HSD3B1: variants seen among roughly 807,000 people sequenced by gnomAD.
The protein encoded by HSD3B1 is 3 beta-hydroxysteroid dehydrogenase/Delta 5-->4-isomerase type 1.
Under a neutral mutation model 10.4 loss-of-function variants are expected in HSD3B1, and 11 were observed. The ratio of observed to expected loss-of-function variants is 1.05; its 90% CI spans 0.66 to 1.75. The LOEUF (loss-of-function observed/expected upper bound fraction) is 1.75. Among genes scored for constraint, HSD3B1 ranks in the 40% most tolerant of loss-of-function variants. HSD3B1 has a pLI of 0.00. For missense variants in HSD3B1, 490 were observed against 454.5 expected, an observed-to-expected ratio of 1.08 and a Z score of -0.71; for synonymous variants, 217 against 185.4, an observed-to-expected ratio of 1.17 and a Z score of -1.39.
intron 3 of HSD3B1, among the ~76,000 whole-genome samples, chr1:119,512,994 GC>G (rs1293057353): frequency 6.6e-6 from 1 of 152,200 alleles, no homozygotes; most frequent in Non-Finnish European, 1.5e-5. Flanking sequence ...ACCTCCATGA[GC>G]TTTGCTTCTA....
At chr1:119,509,802 C>T (rs1400930348) in intron 2 of HSD3B1, among the ~76,000 whole-genome samples, 3 of 152,222 alleles carry the variant, frequency 2.0e-5, no homozygotes, top group African/African-American at 4.8e-5. Context: ...ATTTTGCTCT[C>T]ACTGGTCTTT....
At position 119,507,389 on chromosome 1, in the gene HSD3B1, T is replaced by A; in HGVS notation, c.-85-3T>A. On this transcript the variant is annotated splice_region_variant and splice_polypyrimidine_tract_variant and intron_variant, in intron 1 of 3. Coordinates refer to ENST00000369413, the MANE Select transcript of HSD3B1 (RefSeq NM_000862.3). ...TATATAACCATTTGACATCTCTTTT[T>A]AGCCCTCTCCAGGGTCACCCTAGAA... 2 of 1,367,954 alleles carry A rather than the reference T, an allele frequency of 1.5e-6. No individual in the cohort carries two copies. Among genetic ancestry groups the A allele is most frequent in the South Asian group, 2.4e-5 (2 of 84,520 alleles). The allele number at this position is 1,367,954 out of a possible 1,614,324, so 84.7% of individuals were successfully genotyped here. A position where few individuals can be genotyped will look rare whatever the true frequency, so the allele number is the denominator to read the frequency against.
At chr1:119,511,691 G>C (rs201869789) in intron 3 of HSD3B1, 24 bp downstream of exon 3, 5 of 1,608,980 alleles carry the variant, frequency 3.1e-6, no homozygotes, top group Non-Finnish European at 4.3e-6. Context: ...GGGAGGAGAT[G>C]CAGCAAGGTG....
rs1448208583 is a variant in HSD3B1, at chr1:119,514,355, C to T, written c.832C>T (p.Leu278Phe). ...LNYTLSKEFGLRLDSRWSFPL... is the reference protein window; with the variant it reads ...LNYTLSKEFGFRLDSRWSFPL... ...TTACACCCTGAGCAAAGAGTTCGGC[C>T]TCCGCCTTGATTCCAGATGGAGCTT... The change falls in exon 4 of 4, where the codon CTC becomes TTC. Residue 278 changes from leucine to phenylalanine, a missense_variant. Leu to Phe is a conservative substitution (Grantham distance 22, BLOSUM62 0). Transcript: ENST00000369413. 1 of 1,614,134 alleles carries T rather than the reference C, an allele frequency of 6.2e-7. No homozygotes were observed. The highest frequency in any genetic ancestry group is 8.5e-7 in the Non-Finnish European group (1 of 1,180,014).
At chr1:119,513,642 T>A (rs1211730808) in intron 3 of HSD3B1, among the ~76,000 whole-genome samples, 192 bp from the exon 4 acceptor site, 1 of 152,108 alleles carries the variant, frequency 6.6e-6, no homozygotes, top group African/African-American at 2.4e-5. Flanking sequence ...ACATGTCAGT[T>A]TCTCTTCATT....
chr1:119,508,222 CAGAG>C (rs140526022), intron 2 of HSD3B1, among the ~76,000 whole-genome samples: 4,538 of 150,404 alleles, frequency 0.03, 254 homozygotes, highest in African/African-American at 0.11. Flanking sequence ...ATGAGAAAGA[CAGAG>C]AAATAATGAA....
At chr1:119,511,469 AAT>A in intron 2 of HSD3B1, 32 bp from the exon 3 acceptor site, 6 of 1,611,472 alleles carry the variant, frequency 3.7e-6, no homozygotes, top group Non-Finnish European at 5.1e-6. Flanking sequence ...CAGATACAGA[AAT>A]CATTCCAATG....
Position 119,514,321 on chromosome 1 carries a change from T to C in HSD3B1, c.798T>C (p.Asp266=), listed in dbSNP as rs754839038. Residue 266 remains aspartate (D), a synonymous_variant, in exon 4 of 4, where the codon GAT becomes GAC. Coordinates refer to ENST00000369413, the MANE Select transcript of HSD3B1 (RefSeq NM_000862.3). ...ATGACACGCCTCACCAAAGCTATGA[T>C]AACCTTAATTACACCCTGAGCAAAG... ...ISDDTPHQSY[D]NLNYTLSKEF... 3.1e-6 allele frequency: 5 copies of C among 1,614,092 alleles called. No homozygotes were observed. In the South Asian group the frequency reaches 4.4e-5, roughly 14 times the overall value.
chr1:119,507,810 T>A, intron 2 of HSD3B1, 189 bp downstream of exon 2: 1 of 567,884 alleles, frequency 1.8e-6, no homozygotes, highest in Admixed American at 3.1e-5. Flanking sequence ...CTGGGTGGGA[T>A]TTCCAGAGAC....
chr1:119,507,325 A>G, intron 1 of HSD3B1, 63 bp downstream of exon 1: 1 of 731,606 alleles, frequency 1.4e-6, no homozygotes, highest in Non-Finnish European at 2.3e-6. Context: ...AATGTTTGCA[A>G]AAAAAATGGG....
intron 2 of HSD3B1, among the ~76,000 whole-genome samples, chr1:119,509,140 G>A (rs182618978): frequency 9.7e-4 from 147 of 152,134 alleles, no homozygotes; most frequent in Non-Finnish European, 1.8e-3. Context: ...CTATGAGATC[G>A]GTAATATTAT....
chr1:119,514,609 C>T lies in HSD3B1; in HGVS notation c.1086C>T (p.Asp362=). The T allele has an allele frequency of 1.2e-6, 2 of 1,613,752 alleles. No homozygotes were observed. The highest frequency in any genetic ancestry group is 1.1e-5 in the South Asian group (1 of 91,060). Residue 362 remains aspartate, a synonymous_variant, in exon 4 of 4, where the codon GAC becomes GAT. Transcript: ENST00000369413. ...TGGAGTGGGTTGGTTCCCTTGTGGA[C>T]CGGCACAAGGAGACCCTGAAGTCCA... ...KTVEWVGSLV[D]RHKETLKSKT... is the part of the protein sequence containing the mutation.
rs868210369 is a variant in HSD3B1, at chr1:119,514,737, C to A, written c.*92C>A. 2 of 1,396,464 alleles carry A rather than the reference C, an allele frequency of 1.4e-6. No homozygotes were observed. Among genetic ancestry groups the A allele is most frequent in the African/African-American group, 1.4e-5 (1 of 70,226 alleles). 86.5% of individuals were successfully genotyped at this position (1,396,464 alleles called of 1,614,324 possible). A position where few individuals can be genotyped will look rare whatever the true frequency, so the allele number is the denominator to read the frequency against. Reference sequence around the variant, plus strand: ...CCTCATACAGAAAGTGACAAGGGCACAAGCTCAGGTCCTGCTGCCTCCCTT... The same window carrying A: ...CCTCATACAGAAAGTGACAAGGGCAAAAGCTCAGGTCCTGCTGCCTCCCTT... On this transcript the variant is annotated 3_prime_UTR_variant, in exon 4 of 4. Transcript: ENST00000369413.
At position 119,514,025 on chromosome 1, in the gene HSD3B1, G is replaced by A. The variant is rs143657140; in HGVS notation, c.502G>A (p.Ala168Thr). The A allele has an allele frequency of 1.4e-4, 234 of 1,614,014 alleles. No homozygotes were observed. The highest frequency in any genetic ancestry group is 3.3e-4 in the Middle Eastern group (2 of 6,082). Residue 168 changes from alanine (A) to threonine (T), a missense_variant, in exon 4 of 4, where the codon GCG (alanine) becomes ACG (threonine). Physicochemically the swap from Ala to Thr is moderately conservative, Grantham distance 58. Transcript: ENST00000369413. ...SKKLAEKAVLAANGWNLKNGG... is the reference protein window; with the variant it reads ...SKKLAEKAVLTANGWNLKNGG... The stretch of plus-strand genomic sequence containing the variant: ...AAAGCTTGCTGAGAAGGCTGTACTG[G>A]CGGCTAACGGGTGGAATCTGAAAAA...
rs751833326 is a variant in HSD3B1, at chr1:119,511,679, T to G, written c.310+12T>G. The G allele has an allele frequency of 6.2e-7, 1 of 1,612,776 alleles. No individual in the cohort carries two copies. Among genetic ancestry groups the G allele is most frequent in the Admixed American group, 1.7e-5 (1 of 59,988 alleles). On this transcript the variant is annotated intron_variant, in intron 3 of 3. Transcript: ENST00000369413. ...TGTCAATGTGAAAGGTATGGTAGGC[T>G]GGGGAGGAGATGCAGCAAGGTGGGG...
At chr1:119,511,972 T>C in intron 3 of HSD3B1, 1 of 331,358 alleles carries the variant, frequency 3.0e-6, no homozygotes, top group South Asian at 3.7e-5. Flanking sequence ...CTCCAAAAGC[T>C]CTTTCTACTG....
Position 119,513,873 on chromosome 1 carries a change from T to G in HSD3B1, c.350T>G (p.Val117Gly). 1 of 1,613,816 alleles carries G rather than the reference T, an allele frequency of 6.2e-7. No individual in the cohort carries two copies. The highest frequency in any genetic ancestry group is 8.5e-7 in the Non-Finnish European group (1 of 1,179,868). ...LLLEACVQAS[V>G]PVFIYTSSIE... is the part of the protein sequence containing the mutation. The stretch of plus-strand genomic sequence containing the variant: ...TTAGAGGCCTGTGTCCAAGCTAGTG[T>G]GCCAGTCTTCATCTACACCAGTAGC... The change falls in exon 4 of 4, where the codon GTG (valine) becomes GGG (glycine). Residue 117 changes from valine (V) to glycine (G), a missense_variant. Val to Gly is a moderately radical substitution (Grantham distance 109). Transcript: ENST00000369413.
chr1:119,513,954 AAG>A lies in HSD3B1; in HGVS notation c.434_435del (p.Glu145AlafsTer18). On this transcript the variant is annotated frameshift_variant, in exon 4 of 4. Transcript: ENST00000369413. LOFTEE classifies it low-confidence loss of function (END_TRUNC). ...GAAATCATCCAGAATGGCCATGAAG[AAG>A]AGCCTCTGGAAAACACATGGCCCGC... The A allele has an allele frequency of 6.2e-7, 1 of 1,614,116 alleles. No individual in the cohort carries two copies. The highest frequency in any genetic ancestry group is 1.1e-5 in the South Asian group (1 of 91,080).
chr1:119,509,432 T>C (rs1260370590), intron 2 of HSD3B1, among the ~76,000 whole-genome samples: 1 of 152,202 alleles, frequency 6.6e-6, no homozygotes, highest in Non-Finnish European at 1.5e-5. Flanking sequence ...CTTTTCCTAG[T>C]CCCTCTAGAT....
Sources: allele counts gnomAD v4.1 joint callset (sites outside exome capture counted in the v4.1 genomes callset), GRCh38; gene constraint gnomAD v4.1.1; transcripts MANE v1.5; gene names NCBI Gene and HGNC (gene_info 2026-07-23, HGNC 2026-07-21).